CPLANE1: variants seen among roughly 807,000 people sequenced by gnomAD.
CPLANE1 encodes ciliogenesis and planar polarity effector complex subunit 1.
CPLANE1 carries 263 observed loss-of-function variants against 362.5 expected under a neutral mutation model. The ratio of observed to expected loss-of-function variants is 0.73; its 90% CI spans 0.66 to 0.80. CPLANE1 has a LOEUF of 0.80. Among genes scored for constraint, CPLANE1 ranks in the 30% least tolerant of loss-of-function variants. The pLI is 0.00. For missense variants in CPLANE1, 3,461 were observed against 3,793.4 expected, an observed-to-expected ratio of 0.91 and a Z score of 2.30; for synonymous variants, 1,212 against 1,302.6, an observed-to-expected ratio of 0.93 and a Z score of 1.50.
chr5:37,077,674 C>CATG, the CPLANE1 span, among the ~76,000 whole-genome samples: 1 of 132,460 alleles, frequency 7.5e-6, no homozygotes, highest in South Asian at 2.4e-4. Flanking sequence ...GGTGAAGTGG[C>CATG]ATGATCATGG....
the CPLANE1 span, among the ~76,000 whole-genome samples, chr5:37,093,674 G>C: frequency 2.0e-5 from 3 of 152,162 alleles, no homozygotes; most frequent in Non-Finnish European, 4.4e-5. Context: ...CAGAATAAGA[G>C]CAATCACTGC....
rs1792091560 is a variant in CPLANE1 at position 37,209,898 on chromosome 5, A to AT, written c.2921-3474dup. ...TTCTCTGGCTGAGAAGCTTCAGCTT[A>AT]TTGATGATCAGTTTGCAGATGCTTA... On this transcript the variant is annotated intron_variant, in intron 16 of 52. Transcript: ENST00000651892. This position sits in a 1 kb window ranked among gnomAD's most constrained non-coding sequence, Gnocchi z 4.6. 7.0e-7 allele frequency: 1 copy of AT among 1,438,322 alleles called. No individual in the cohort carries two copies. The highest frequency in any genetic ancestry group is 2.3e-5 in the East Asian group (1 of 44,048). 89.1% of individuals were successfully genotyped at this position (1,438,322 alleles called of 1,614,324 possible).
Position 37,206,412 on chromosome 5 carries a change from T to A in CPLANE1, c.2934A>T (p.Arg978=). Residue 978 remains arginine, a synonymous_variant, in exon 17 of 53, where the codon CGA becomes CGT. Transcript: ENST00000651892. ...PLHIKTEQSF[R]LIPLQHSKVA... ...CCTTAGAGTGTTGCAGAGGAATAAG[T>A]CGAAAGGACTGCTCTGTGAGTAAAT... 1 of 1,549,942 alleles carries A rather than the reference T, an allele frequency of 6.5e-7. No individual in the cohort carries two copies. Among genetic ancestry groups the A allele is most frequent in the East Asian group, 2.4e-5 (1 of 40,908 alleles).
the CPLANE1 span, among the ~76,000 whole-genome samples, chr5:37,087,913 C>T: frequency 6.6e-6 from 1 of 152,246 alleles, no homozygotes; most frequent in Admixed American, 6.5e-5. Context: ...ACTTTGTAGC[C>T]TAGCCAATAC....
At chr5:37,181,983 T>A (rs915291896) in intron 26 of CPLANE1, among the ~76,000 whole-genome samples, 1 of 151,942 alleles carries the variant, frequency 6.6e-6, no homozygotes, top group Non-Finnish European at 1.5e-5. Context: ...TCCCAGCTAC[T>A]CACAAGGCTG....
chr5:37,085,196 C>A, the CPLANE1 span: 1 of 837,362 alleles, frequency 1.2e-6, no homozygotes, highest in Non-Finnish European at 2.1e-6. Context: ...TCATCATTTT[C>A]CTAAGGAACA....
intron 12 of CPLANE1, among the ~76,000 whole-genome samples, chr5:37,225,440 G>A (rs1196514312): frequency 2.0e-5 from 3 of 151,692 alleles, no homozygotes; most frequent in Admixed American, 6.6e-5. Flanking sequence ...GAGTTTCATC[G>A]TGTTGCCCAA....
intron 46 of CPLANE1, among the ~76,000 whole-genome samples, chr5:37,132,337 G>GTTTTTTTTTTTTTTTTTTTTTT: frequency 1.3e-5 from 1 of 77,776 alleles, no homozygotes; most frequent in Non-Finnish European, 2.4e-5. Flanking sequence ...GATTGTTCAA[G>GTTTTTTTTTTTTTTTTTTTTTT]TTTTTTTTTT....
intron 27 of CPLANE1, among the ~76,000 whole-genome samples, 162 bp from the exon 28 acceptor site, chr5:37,180,345 C>A (rs1271043889): frequency 6.6e-6 from 1 of 150,790 alleles, no homozygotes; most frequent in Non-Finnish European, 1.5e-5. Context: ...AAGCAAAGAA[C>A]AAACTTTGGT....
Position 37,239,861 on chromosome 5 carries a change from G to T in CPLANE1, c.686C>A (p.Pro229Gln), listed in dbSNP as rs1799937162. The T allele has an allele frequency of 4.1e-6, 6 of 1,472,364 alleles. No homozygotes were observed. The highest frequency in any genetic ancestry group is 5.4e-6 in the Non-Finnish European group (6 of 1,102,504). 91.2% of individuals were successfully genotyped at this position (1,472,364 alleles called of 1,614,324 possible). A position where few individuals can be genotyped will look rare whatever the true frequency, so the allele number is the denominator to read the frequency against. Residue 229 changes from proline to glutamine, a missense_variant, in exon 7 of 53, where the codon CCA becomes CAA. Physicochemically the swap from Pro to Gln is moderately conservative, Grantham distance 76. This residue lies in a region of CPLANE1 where 3,380 missense variants were observed against 3,666.1 expected (regional missense o/e 0.92). Coordinates refer to ENST00000651892, the MANE Select transcript of CPLANE1 (RefSeq NM_001384732.1). Reference sequence around the variant, plus strand: ...TTGTTGAGCCCAATGAACATGGTATGGCAATGATCTAAAAAAGTAATGAAA... The same window carrying T: ...TTGTTGAGCCCAATGAACATGGTATTGCAATGATCTAAAAAAGTAATGAAA... ...ENVFTSVRSL[P>Q]YHVHWAQQDC...
intron 24 of CPLANE1, among the ~76,000 whole-genome samples, chr5:37,185,695 T>C (rs1033095633): frequency 1.2e-4 from 18 of 152,302 alleles, no homozygotes; most frequent in East Asian, 5.8e-4. Flanking sequence ...TACTGAATTA[T>C]AGTTTTAAAA....
intron 15 of CPLANE1, among the ~76,000 whole-genome samples, chr5:37,219,104 A>AG (rs1160023486): frequency 6.6e-6 from 1 of 151,926 alleles, no homozygotes; most frequent in African/African-American, 2.4e-5. Context: ...CCCTGGGTAC[A>AG]GTGGCTCACA....
rs184730566 is a variant in CPLANE1, at chr5:37,190,287, T to C, written c.3812-2445A>G. Among the ~76,000 whole-genome samples, 315 of 151,820 alleles carry C rather than the reference T, an allele frequency of 2.1e-3. 1 individual carries two copies. The highest frequency in any genetic ancestry group is 3.7e-3 in the Non-Finnish European group (251 of 67,908). On this transcript the variant is annotated intron_variant, in intron 21 of 52. Transcript: ENST00000651892. ...ACTTTTATAGATTAAGATGGACTTA[T>C]AGGCCAGGCATGGTAGCTCCTGCCT...
chr5:37,193,676 A>T (rs1207067136), intron 21 of CPLANE1, among the ~76,000 whole-genome samples: 1 of 152,126 alleles, frequency 6.6e-6, no homozygotes, highest in Non-Finnish European at 1.5e-5. Context: ...AATAAATAAA[A>T]TTAAGAGTTA....
Position 37,179,449 on chromosome 5 carries a change from G to T in CPLANE1, c.5738-6C>A. On this transcript the variant is annotated splice_polypyrimidine_tract_variant and splice_region_variant and intron_variant, in intron 28 of 52. Transcript: ENST00000651892. ...AACAGATTCTTCAATGTCTTCTAGC[G>T]ATAAGTGAAGATGAAGAGAAAACTG... The T allele has an allele frequency of 6.3e-7, 1 of 1,593,988 alleles. No individual in the cohort carries two copies. The highest frequency in any genetic ancestry group is 8.6e-7 in the Non-Finnish European group (1 of 1,166,790).
downstream of CPLANE1, among the ~76,000 whole-genome samples, chr5:37,104,298 G>C (rs1362728525): frequency 6.6e-6 from 1 of 152,012 alleles, no homozygotes; most frequent in African/African-American, 2.4e-5. Context: ...CTTTGCACTG[G>C]GTTCTAACTA....
chr5:37,125,437 T>C (rs758957692), intron 46 of CPLANE1, 28 bp from the exon 47 acceptor site: 12 of 1,601,166 alleles, frequency 7.5e-6, no homozygotes, highest in African/African-American at 4.0e-5. Flanking sequence ...CAAGACATCA[T>C]TTGCTTTTAA....
the CPLANE1 span, chr5:37,085,278 G>A: frequency 1.1e-6 from 1 of 919,092 alleles, no homozygotes; most frequent in Non-Finnish European, 1.8e-6. Context: ...TGATGGCAAG[G>A]TACGAACTGA....
intron 19 of CPLANE1, among the ~76,000 whole-genome samples, 170 bp downstream of exon 19, chr5:37,201,421 G>A (rs1240912858): frequency 6.6e-6 from 1 of 152,192 alleles, no homozygotes; most frequent in Non-Finnish European, 1.5e-5. Flanking sequence ...TTAAACAGCA[G>A]TTTAGTACAT....
Sources: allele counts gnomAD v4.1 joint callset (sites outside exome capture counted in the v4.1 genomes callset), GRCh38; gene constraint gnomAD v4.1.1; regional missense constraint gnomAD v4.1.1; non-coding constraint Gnocchi (gnomAD v3.1); transcripts MANE v1.5; gene names NCBI Gene and HGNC (gene_info 2026-07-23, HGNC 2026-07-21).